The following CSMD3 variants were observed in gnomAD, a reference collection of about 807,000 sequenced individuals.
CSMD3 encodes CUB and sushi domain-containing protein 3.
A neutral mutation model predicts 435.2 loss-of-function variants in CSMD3; 177 were observed. That is an observed-to-expected ratio of 0.41 (90% CI 0.36 to 0.46). The LOEUF is 0.46. CSMD3 is among the 20% of genes least tolerant of loss of function. The pLI, the probability that CSMD3 is intolerant of heterozygous loss-of-function variation, is 0.34. For synonymous variants in CSMD3, 1,656 were observed against 1,520.5 expected (o/e 1.09, Z -2.07); for missense variants, 4,265 against 4,504.6 (o/e 0.95, Z 1.52).
chr8:113,073,186 T>A (rs1588016875), intron 5 of CSMD3, among the ~76,000 whole-genome samples: 1 of 151,830 alleles, frequency 6.6e-6, no homozygotes, highest in African/African-American at 2.4e-5. Flanking sequence ...CAACATACTA[T>A]TTCATCTTTT....
At chr8:112,565,053 T>G (rs1373201609) in intron 24 of CSMD3, among the ~76,000 whole-genome samples, 1 of 152,094 alleles carries the variant, frequency 6.6e-6, no homozygotes, top group Admixed American at 6.6e-5. Context: ...TAATGATACT[T>G]TTATTATTCT....
At chr8:113,135,413 A>T (rs2091392823) in intron 4 of CSMD3, among the ~76,000 whole-genome samples, 1 of 151,776 alleles carries the variant, frequency 6.6e-6, no homozygotes, top group Admixed American at 6.6e-5. Flanking sequence ...AATTTTCTTG[A>T]TTATTCATAT....
intron 10 of CSMD3, among the ~76,000 whole-genome samples, chr8:112,903,402 A>G (rs879414399): frequency 7.9e-5 from 12 of 151,182 alleles, no homozygotes; most frequent in Non-Finnish European, 1.5e-4. Context: ...TTTGAATAAA[A>G]TGTTCCGAAA....
At chr8:112,902,618 G>A (rs981346285) in intron 10 of CSMD3, among the ~76,000 whole-genome samples, 2 of 151,194 alleles carry the variant, frequency 1.3e-5, no homozygotes, top group Non-Finnish European at 3.0e-5. Context: ...CATGAACCTG[G>A]TCACTATACG....
chr8:112,964,452 C>G (rs1250635946), intron 7 of CSMD3, among the ~76,000 whole-genome samples: 1 of 151,928 alleles, frequency 6.6e-6, no homozygotes, highest in African/African-American at 2.4e-5. Flanking sequence ...AAGACATCAA[C>G]TATCTGATGA....
intron 35 of CSMD3, among the ~76,000 whole-genome samples, chr8:112,392,689 T>G (rs1172126143): frequency 1.3e-5 from 2 of 151,808 alleles, no homozygotes; most frequent in East Asian, 3.9e-4. Flanking sequence ...GTTACTACAT[T>G]AATCAAATAA....
chr8:112,282,436 G>A (rs1433303556), intron 58 of CSMD3, among the ~76,000 whole-genome samples: 4 of 151,854 alleles, frequency 2.6e-5, no homozygotes, highest in Non-Finnish European at 4.4e-5. Context: ...TAAAATTTTG[G>A]CCATGTTTAC....
At chr8:113,324,749 A>G (rs749512938) in intron 1 of CSMD3, among the ~76,000 whole-genome samples, 21 of 152,162 alleles carry the variant, frequency 1.4e-4, no homozygotes, top group Non-Finnish European at 2.6e-4. Context: ...TGGTAGATCC[A>G]CTGAAAGATT....
At chr8:112,763,730 A>G (rs958575867) in intron 13 of CSMD3, among the ~76,000 whole-genome samples, 1 of 150,734 alleles carries the variant, frequency 6.6e-6, no homozygotes, top group African/African-American at 2.4e-5. Flanking sequence ...CTTTGCTTCT[A>G]AATGAACAGA....
intron 57 of CSMD3, among the ~76,000 whole-genome samples, 161 bp downstream of exon 57, chr8:112,289,204 A>G (rs950675040): frequency 1.3e-5 from 2 of 152,140 alleles, no homozygotes; most frequent in African/African-American, 2.4e-5. Flanking sequence ...AGCCTTACAC[A>G]TATTCCAGTA....
intron 13 of CSMD3, among the ~76,000 whole-genome samples, chr8:112,789,512 C>G (rs2078633675): frequency 1.3e-5 from 2 of 151,872 alleles, no homozygotes; most frequent in Admixed American, 6.6e-5. Flanking sequence ...TGTATGAACA[C>G]TGAAATGTAT....
chr8:112,237,882 A>G (rs1045058511), intron 66 of CSMD3, among the ~76,000 whole-genome samples: 1 of 152,106 alleles, frequency 6.6e-6, no homozygotes, highest in Non-Finnish European at 1.5e-5. Flanking sequence ...GAAGAAGAAC[A>G]GGGCTGCACC....
chr8:112,311,311 T>G, intron 49 of CSMD3, 145 bp from the exon 50 acceptor site: 1 of 687,526 alleles, frequency 1.5e-6, no homozygotes, highest in Admixed American at 2.2e-5. Context: ...CAACATATTG[T>G]GCTCTTTCCT....
chr8:113,044,729 C>T (rs2087759750), intron 5 of CSMD3, among the ~76,000 whole-genome samples: 1 of 149,120 alleles, frequency 6.7e-6, no homozygotes, highest in Admixed American at 6.7e-5. Context: ...CACTAATTTA[C>T]ACCATCTCAT....
intron 32 of CSMD3, among the ~76,000 whole-genome samples, chr8:112,450,817 G>A (rs996034695): frequency 9.2e-5 from 14 of 152,094 alleles, no homozygotes; most frequent in African/African-American, 3.4e-4. Flanking sequence ...ATTGTAAATT[G>A]GCTAGACCTC....
intron 4 of CSMD3, among the ~76,000 whole-genome samples, chr8:113,141,826 T>C (rs1015712831): frequency 6.6e-6 from 1 of 150,966 alleles, no homozygotes; most frequent in African/African-American, 2.4e-5. Flanking sequence ...AGTAATACGA[T>C]AAACACAAAG....
At chr8:112,604,483 C>T (rs891377469) in intron 22 of CSMD3, among the ~76,000 whole-genome samples, 11 of 152,136 alleles carry the variant, frequency 7.2e-5, no homozygotes, top group African/African-American at 2.6e-4. Flanking sequence ...AAACCATACA[C>T]CTACAACGAT....
intron 4 of CSMD3, among the ~76,000 whole-genome samples, chr8:113,155,113 T>A (rs2091905549): frequency 2.6e-5 from 4 of 152,148 alleles, no homozygotes; most frequent in African/African-American, 9.6e-5. Flanking sequence ...AAAAATTTAA[T>A]AGTTACTGTA....
At chr8:113,344,313 T>C (rs2094138655) in intron 1 of CSMD3, among the ~76,000 whole-genome samples, 1 of 152,158 alleles carries the variant, frequency 6.6e-6, no homozygotes, top group African/African-American at 2.4e-5. Context: ...TGCTTGCTGG[T>C]TGATTCACAT....
Sources: gnomAD v4.1 joint callset for allele counts (sites outside exome capture counted in the v4.1 genomes callset) on GRCh38, gnomAD v4.1.1 for gene constraint, MANE v1.5 for transcripts, NCBI Gene and HGNC (gene_info 2026-07-23, HGNC 2026-07-21) for gene names.